Variants in FAM135B observed in about 807,000 individuals in gnomAD.
FAM135B encodes the protein protein FAM135B.
In FAM135B, 43 loss-of-function variants were observed where a neutral mutation model predicts 127.7. The ratio of observed to expected loss-of-function variants is 0.34; its 90% CI spans 0.26 to 0.43. The LOEUF (loss-of-function observed/expected upper bound fraction) is 0.43. Ranked by LOEUF, FAM135B falls within the 20% of genes least tolerant of loss-of-function variation. FAM135B has a pLI of 1.00. For missense variants in FAM135B, 1,558 were observed against 1,725.6 expected (o/e 0.90, Z 1.72); for synonymous variants, 670 against 665.1 (o/e 1.01, Z -0.11).
intron 7 of FAM135B, 42 bp from the exon 8 acceptor site, chr8:138,197,711 C>G (rs1424083808): frequency 6.2e-7 from 1 of 1,601,568 alleles, no homozygotes; most frequent in Admixed American, 1.7e-5. Context: ...AATATTGCAC[C>G]TGGCCCAGGC....
At chr8:138,142,231 T>A (rs1389046972) in intron 16 of FAM135B, among the ~76,000 whole-genome samples, 2 of 148,940 alleles carry the variant, frequency 1.3e-5, no homozygotes, top group African/African-American at 4.9e-5. Context: ...AGTGTAAGAA[T>A]AAAAGTAGTG....
chr8:138,374,259 C>A (rs1415972653), intron 1 of FAM135B, among the ~76,000 whole-genome samples: 2 of 152,142 alleles, frequency 1.3e-5, no homozygotes, highest in Admixed American at 6.5e-5. Context: ...GGGCAGGTTC[C>A]CCAGTAAGTC....
intron 9 of FAM135B, among the ~76,000 whole-genome samples, chr8:138,192,644 G>A (rs1316262371): frequency 2.6e-5 from 4 of 152,102 alleles, no homozygotes; most frequent in African/African-American, 9.7e-5. Context: ...CTCAGCGCAA[G>A]AGGACAGTTG....
chr8:138,362,369 T>C (rs1450817606), intron 2 of FAM135B, among the ~76,000 whole-genome samples: 1 of 150,566 alleles, frequency 6.6e-6, no homozygotes, highest in African/African-American at 2.4e-5. Flanking sequence ...CCTCAAGTAG[T>C]ATTGTGCATG....
intron 1 of FAM135B, among the ~76,000 whole-genome samples, chr8:138,445,530 T>C (rs1240629002): frequency 6.6e-6 from 1 of 152,138 alleles, no homozygotes; most frequent in South Asian, 2.1e-4. Flanking sequence ...ATCTAGCATA[T>C]AAACAGAACC....
Position 138,139,044 on chromosome 8 carries a change from G to A in FAM135B, c.3843C>T (p.Thr1281=), listed in dbSNP as rs747836721. The change falls in exon 18 of 20, where the codon ACC becomes ACT. Residue 1281 remains threonine (T), a synonymous_variant. Transcript: ENST00000395297. ...TGCGCAAATCAGCATTATCCCTGAA[G>A]GTCAGCTGCAGTAGAGACCCGGATT... is the stretch of plus-strand genomic sequence containing the variant. ...LKKSGSLLQL[T]FRDNADLRKC... 1.1e-5 allele frequency: 17 copies of A among 1,613,896 alleles called. 1 individual carries two copies. The South Asian group carries it at 1.8e-4, about 17-fold the overall frequency.
intron 3 of FAM135B, among the ~76,000 whole-genome samples, chr8:138,283,612 T>C: frequency 6.6e-6 from 1 of 152,140 alleles, no homozygotes; most frequent in Non-Finnish European, 1.5e-5. Flanking sequence ...CTTGGGACTT[T>C]GGGTGATAAT....
At chr8:138,162,380 A>G (rs755625161) in intron 12 of FAM135B, among the ~76,000 whole-genome samples, 6 of 152,218 alleles carry the variant, frequency 3.9e-5, no homozygotes, top group Non-Finnish European at 7.3e-5. Flanking sequence ...CACGTCACTC[A>G]TTATACGTCT....
chr8:138,189,406 C>T (rs1330244979), intron 9 of FAM135B, among the ~76,000 whole-genome samples: 2 of 152,214 alleles, frequency 1.3e-5, no homozygotes, highest in South Asian at 2.1e-4. Context: ...AACAAGAGCT[C>T]GCGTACCACA....
intron 1 of FAM135B, among the ~76,000 whole-genome samples, chr8:138,376,978 A>G (rs1231798533): frequency 6.6e-6 from 1 of 152,336 alleles, no homozygotes; most frequent in Admixed American, 6.5e-5. Context: ...AGTTATTTAC[A>G]TTTTTTAAAT....
At position 138,137,151 on chromosome 8, in the gene FAM135B, G is replaced by A. The variant is rs775179492; in HGVS notation, c.4011C>T (p.His1337=). ...EMCKTALKDR[H]TGPVYAEMIN... is the part of the protein sequence containing the mutation. ...CAAAAATTAAATGTAGCTTACCTGTGTGTCTGTCTTTGAGGGCAGTTTTAC... is the reference window on the plus strand; with the variant it reads ...CAAAAATTAAATGTAGCTTACCTGTATGTCTGTCTTTGAGGGCAGTTTTAC... The change falls in exon 19 of 20, where the codon CAC becomes CAT. Residue 1337 remains histidine, a synonymous_variant. Coordinates refer to ENST00000395297, the MANE Select transcript of FAM135B (RefSeq NM_015912.4). The A allele has an allele frequency of 1.3e-6, 2 of 1,486,762 alleles. No homozygotes were observed. The highest frequency in any genetic ancestry group is 1.9e-6 in the Non-Finnish European group (2 of 1,063,542). 92.1% of individuals were successfully genotyped at this position (1,486,762 alleles called of 1,614,324 possible). A position where few individuals can be genotyped will look rare whatever the true frequency, so the allele number is the denominator to read the frequency against.
chr8:138,351,764 A>T (rs1008883566), intron 2 of FAM135B, among the ~76,000 whole-genome samples: 1 of 145,354 alleles, frequency 6.9e-6, no homozygotes, highest in Non-Finnish European at 1.5e-5. Flanking sequence ...ATCTCACCTC[A>T]TGGCAACTTC....
chr8:138,415,372 G>T (rs1280546220), intron 1 of FAM135B, among the ~76,000 whole-genome samples: 1 of 152,116 alleles, frequency 6.6e-6, no homozygotes, highest in African/African-American at 2.4e-5. Flanking sequence ...CCACAATGTT[G>T]AACTGACTCT....
At chr8:138,191,471 A>C (rs1816117773) in intron 9 of FAM135B, among the ~76,000 whole-genome samples, 1 of 152,098 alleles carries the variant, frequency 6.6e-6, no homozygotes, top group South Asian at 2.1e-4. Flanking sequence ...CTGTCCATCC[A>C]TTCATTCTAG....
At chr8:138,477,306 C>A (rs768027281) in intron 1 of FAM135B, 1 of 152,390 alleles carries the variant, frequency 6.6e-6, no homozygotes, top group Non-Finnish European at 1.5e-5. Context: ...AGCTTTCTTG[C>A]ATGTCCTTAC....
chr8:138,252,651 T>C (rs1192679695), intron 5 of FAM135B, among the ~76,000 whole-genome samples: 3 of 152,076 alleles, frequency 2.0e-5, no homozygotes, highest in South Asian at 2.1e-4. Flanking sequence ...AGCTCTGAAA[T>C]GATGGTGATA....
intron 12 of FAM135B, among the ~76,000 whole-genome samples, chr8:138,162,819 C>T (rs1329811593): frequency 6.6e-6 from 1 of 152,142 alleles, no homozygotes; most frequent in Non-Finnish European, 1.5e-5. Context: ...TGTATGACGT[C>T]AGACAGAGAG....
chr8:138,222,974 G>A (rs765391680), intron 7 of FAM135B, among the ~76,000 whole-genome samples: 3 of 152,088 alleles, frequency 2.0e-5, no homozygotes, highest in Non-Finnish European at 1.5e-5. Flanking sequence ...GGCTACTGTC[G>A]GGGACATGAG....
intron 1 of FAM135B, among the ~76,000 whole-genome samples, chr8:138,488,735 C>T (rs1025191211): frequency 6.6e-6 from 1 of 152,130 alleles, no homozygotes; most frequent in Non-Finnish European, 1.5e-5. Context: ...GGTGCAATCT[C>T]GGCTCACTGC....
Sources: gnomAD v4.1 joint callset for allele counts (sites outside exome capture counted in the v4.1 genomes callset) on GRCh38, gnomAD v4.1.1 for gene constraint, MANE v1.5 for transcripts, NCBI Gene and HGNC (gene_info 2026-07-23, HGNC 2026-07-21) for gene names.